ZMIZ1: variants seen among roughly 807,000 people sequenced by gnomAD.
ZMIZ1 encodes zinc finger MIZ domain-containing protein 1.
ZMIZ1 carries 17 observed loss-of-function variants against 113.9 expected under a neutral mutation model. The observed-to-expected ratio is 0.15, with a 90% CI of 0.10 to 0.22. The LOEUF (loss-of-function observed/expected upper bound fraction) is 0.22. ZMIZ1 is among the 10% of genes least tolerant of loss of function. The probability of loss-of-function intolerance (pLI) is 1.00; values close to 1 mark genes in which losing one functional copy is unlikely to be tolerated. For synonymous variants in ZMIZ1, 607 were observed against 603.1 expected (o/e 1.01, Z -0.09); for missense variants, 1,059 against 1,477.8 (o/e 0.72, Z 4.65).
intron 8 of ZMIZ1, among the ~76,000 whole-genome samples, chr10:79,277,848 A>C (rs566070807): frequency 8.5e-5 from 13 of 152,354 alleles, no homozygotes; most frequent in African/African-American, 2.9e-4. Context: ...CAGAAGGAGC[A>C]CGTGGCCAGG....
At position 79,277,177 on chromosome 10, in the gene ZMIZ1, G is replaced by T; in HGVS notation, c.281-4G>T. Reference sequence around the variant, plus strand: ...ACCCACTGACTGTCCTGTCCTTCCTGCAGCCTTGTTGTCCTCCTGGTGCGA... The same window carrying T: ...ACCCACTGACTGTCCTGTCCTTCCTTCAGCCTTGTTGTCCTCCTGGTGCGA... On this transcript the variant is annotated splice_region_variant and splice_polypyrimidine_tract_variant and intron_variant, in intron 7 of 24. Coordinates refer to ENST00000334512, the MANE Select transcript of ZMIZ1 (RefSeq NM_020338.4). The T allele has an allele frequency of 6.5e-7, 1 of 1,532,032 alleles. No homozygotes were observed. Among genetic ancestry groups the T allele is most frequent in the South Asian group, 1.2e-5 (1 of 81,158 alleles). 94.9% of individuals were successfully genotyped at this position (1,532,032 alleles called of 1,614,324 possible).
At chr10:79,240,713 G>A (rs1175101697) in intron 7 of ZMIZ1, among the ~76,000 whole-genome samples, 2 of 132,564 alleles carry the variant, frequency 1.5e-5, no homozygotes, top group African/African-American at 2.9e-5. Flanking sequence ...CCGGAGGAGC[G>A]TATATTAATT....
intron 1 of ZMIZ1, among the ~76,000 whole-genome samples, chr10:79,087,881 C>G (rs141241941): frequency 2.0e-4 from 31 of 152,358 alleles, no homozygotes; most frequent in African/African-American, 7.5e-4. Flanking sequence ...TCCCCAGGCA[C>G]TGTTTCCTGA....
chr10:79,282,501 T>C (rs1431534069), intron 8 of ZMIZ1, among the ~76,000 whole-genome samples: 2 of 152,216 alleles, frequency 1.3e-5, no homozygotes, highest in African/African-American at 2.4e-5. Flanking sequence ...GGAGGGTCCC[T>C]GGTGACTGTC....
At chr10:79,193,384 C>T (rs1422704241) in intron 4 of ZMIZ1, among the ~76,000 whole-genome samples, 1 of 152,216 alleles carries the variant, frequency 6.6e-6, no homozygotes, top group African/African-American at 2.4e-5. Context: ...ACCAGAAGTA[C>T]ATGTATCTCT....
chr10:79,292,875 G>A (rs760865165), intron 11 of ZMIZ1: 21 of 463,206 alleles, frequency 4.5e-5, no homozygotes, highest in Admixed American at 1.4e-4. Flanking sequence ...TGAGGAGGTG[G>A]GAACTGCAGG....
intron 7 of ZMIZ1, among the ~76,000 whole-genome samples, chr10:79,269,757 C>T (rs895587699): frequency 2.8e-4 from 43 of 152,212 alleles, no homozygotes; most frequent in Non-Finnish European, 6.2e-4. Context: ...CGCACCTCCC[C>T]TTGCCTGGCT....
chr10:79,294,679 C>G (rs1169069564), intron 12 of ZMIZ1: 1 of 152,232 alleles, frequency 6.6e-6, no homozygotes, highest in Non-Finnish European at 1.5e-5. Flanking sequence ...CTGGTTGCTC[C>G]CCACGACCAA....
intron 1 of ZMIZ1, among the ~76,000 whole-genome samples, chr10:79,084,006 C>T (rs191047193): frequency 1.3e-5 from 2 of 152,278 alleles, no homozygotes; most frequent in East Asian, 3.9e-4. Context: ...TCTCTCTCCT[C>T]CCCTCTGGCT....
rs559930062 is a variant in ZMIZ1, at chr10:79,164,144, G to A, written c.-50+2011G>A. 4.6e-5 allele frequency among the ~76,000 whole-genome samples: 7 copies of A among 152,310 alleles called. No homozygotes were observed. In the East Asian group the frequency reaches 7.7e-4, roughly 17 times the overall value. ...CCTAGACACGGCTGGGGGTGGGGAC[G>A]GTGAACATGCGGCCTTCTCTCCTTC... On this transcript the variant is annotated intron_variant, in intron 4 of 24. Coordinates refer to ENST00000334512, the MANE Select transcript of ZMIZ1 (RefSeq NM_020338.4).
At chr10:79,254,881 G>A (rs183727759) in intron 7 of ZMIZ1, among the ~76,000 whole-genome samples, 75 of 152,318 alleles carry the variant, frequency 4.9e-4, no homozygotes, top group Middle Eastern at 3.4e-3. Context: ...CACATTGCCC[G>A]ATGGCCCCCA....
chr10:79,112,116 T>C (rs972017479), intron 1 of ZMIZ1, among the ~76,000 whole-genome samples: 6 of 152,202 alleles, frequency 3.9e-5, no homozygotes, highest in Non-Finnish European at 8.8e-5. Flanking sequence ...AGTGAAGGAC[T>C]CTCAGGACTT....
At chr10:79,215,181 G>A (rs1372256725) in intron 6 of ZMIZ1, among the ~76,000 whole-genome samples, 1 of 152,232 alleles carries the variant, frequency 6.6e-6, no homozygotes, top group African/African-American at 2.4e-5. Flanking sequence ...CTGAGGTTGA[G>A]GGGGCTGCAG....
chr10:79,305,491 G>T, intron 20 of ZMIZ1, 42 bp from the exon 21 acceptor site: 1 of 1,607,508 alleles, frequency 6.2e-7, no homozygotes, highest in South Asian at 1.1e-5. Context: ...CTACCTCCTT[G>T]GGTCCTGGAG....
At position 79,298,260 on chromosome 10, in the gene ZMIZ1, G is replaced by A. The variant is rs542702531; in HGVS notation, c.1492-146G>A. 3.4e-4 allele frequency: 315 copies of A among 924,252 alleles called. 1 individual carries two copies. Among genetic ancestry groups the A allele is most frequent in the South Asian group, 2.6e-3 (153 of 59,468 alleles). The allele number at this position is 924,252 out of a possible 1,614,324, so 57.3% of individuals were successfully genotyped here. On this transcript the variant is annotated intron_variant, in intron 14 of 24. Coordinates refer to ENST00000334512, the MANE Select transcript of ZMIZ1 (RefSeq NM_020338.4). ...TCTTCTGAGCAGGACAGAGATCTGCGAGAGAGAAGAGTTTCCCTGGAGGAG... is the reference window on the plus strand; with the variant it reads ...TCTTCTGAGCAGGACAGAGATCTGCAAGAGAGAAGAGTTTCCCTGGAGGAG...
Position 79,070,058 on chromosome 10 carries a change from C to T in ZMIZ1, c.-337+788C>T, listed in dbSNP as rs555441739. 2.7e-5 allele frequency among the ~76,000 whole-genome samples: 4 copies of T among 150,718 alleles called. No individual in the cohort carries two copies. The Admixed American group carries it at 2.7e-4, about 10-fold the overall frequency. On this transcript the variant is annotated intron_variant, in intron 1 of 24. Transcript: ENST00000334512. ...CGAAAGTAATTTCCCCGTGTTCTTTCTTCCTCTCCGTCTCCGGCGGCGGTG... is the reference window on the plus strand; with the variant it reads ...CGAAAGTAATTTCCCCGTGTTCTTTTTTCCTCTCCGTCTCCGGCGGCGGTG...
intron 7 of ZMIZ1, among the ~76,000 whole-genome samples, chr10:79,232,430 G>T (rs993195941): frequency 5.3e-5 from 8 of 152,076 alleles, no homozygotes; most frequent in African/African-American, 9.7e-5. Flanking sequence ...TAATTCATAG[G>T]TATACATAAT....
At chr10:79,082,857 G>T (rs894620846) in intron 1 of ZMIZ1, among the ~76,000 whole-genome samples, 2 of 152,178 alleles carry the variant, frequency 1.3e-5, no homozygotes, top group Non-Finnish European at 2.9e-5. Flanking sequence ...GTGGGGCCTC[G>T]TGCCAGCCTG....
chr10:79,224,694 T>A (rs377137284), intron 7 of ZMIZ1, among the ~76,000 whole-genome samples: 10 of 152,030 alleles, frequency 6.6e-5, no homozygotes, highest in African/African-American at 2.2e-4. Flanking sequence ...GCACAGTGAG[T>A]AGGAGTAGGC....
Sources: gnomAD v4.1 joint callset for allele counts (sites outside exome capture counted in the v4.1 genomes callset) on GRCh38, gnomAD v4.1.1 for gene constraint, MANE v1.5 for transcripts, NCBI Gene and HGNC (gene_info 2026-07-23, HGNC 2026-07-21) for gene names.